Variants in C2orf49 observed in about 807,000 individuals in gnomAD.
The protein encoded by C2orf49 is tRNA-splicing ligase complex subunit ASW.
A neutral mutation model predicts 20.6 loss-of-function variants in C2orf49; 11 were observed. The ratio of observed to expected loss-of-function variants is 0.53; its 90% CI spans 0.34 to 0.88. The LOEUF (loss-of-function observed/expected upper bound fraction) is 0.88, where lower values mean the gene tolerates loss of function less well. C2orf49 is among the 40% of genes least tolerant of loss of function. The pLI is 0.02. For missense variants in C2orf49, 289 were observed against 274.2 expected, an observed-to-expected ratio of 1.05 and a Z score of -0.38; for synonymous variants, 134 against 108.5, an observed-to-expected ratio of 1.24 and a Z score of -1.46.
chr2:105,338,289 G>GC (rs752873739), intron 1 of C2orf49, among the ~76,000 whole-genome samples: 1 of 152,182 alleles, frequency 6.6e-6, no homozygotes, highest in African/African-American at 2.4e-5. Flanking sequence ...AGAATTACTG[G>GC]AAGTTTCCTT....
chr2:105,339,494 G>A, intron 1 of C2orf49, 89 bp from the exon 2 acceptor site: 2 of 1,223,164 alleles, frequency 1.6e-6, no homozygotes, highest in Non-Finnish European at 1.2e-6. Context: ...TGTTATTTAA[G>A]CAGTAATGTT....
downstream of C2orf49, among the ~76,000 whole-genome samples, chr2:105,350,257 G>A (rs1006072463): frequency 6.6e-6 from 1 of 152,176 alleles, no homozygotes; most frequent in African/African-American, 2.4e-5. Context: ...ACAGGTCCCA[G>A]ACAAGGACAA....
chr2:105,352,905 C>T (rs62155873), downstream of C2orf49, among the ~76,000 whole-genome samples: 13,491 of 152,150 alleles, frequency 0.089, 754 homozygotes, highest in Non-Finnish European at 0.13. Context: ...CCATCAAAAA[C>T]AAACAACTGG....
chr2:105,374,915 T>C, the C2orf49 span, among the ~76,000 whole-genome samples: 1 of 152,100 alleles, frequency 6.6e-6, no homozygotes, highest in Non-Finnish European at 1.5e-5. Flanking sequence ...AGGCTTCCAG[T>C]TGGTAGGTAT....
intron 1 of C2orf49, 22 bp downstream of exon 1, chr2:105,337,708 G>T: frequency 5.3e-6 from 2 of 374,660 alleles, no homozygotes; most frequent in South Asian, 4.0e-5. Flanking sequence ...CGGATCGGAG[G>T]GTGGGCGGGT....
chr2:105,361,114 A>G, the C2orf49 span: 1 of 609,252 alleles, frequency 1.6e-6, no homozygotes, highest in South Asian at 2.7e-5. Flanking sequence ...CTGGGACTGA[A>G]CTATCACAAA....
At chr2:105,353,390 A>G (rs865778265), downstream of C2orf49, among the ~76,000 whole-genome samples, 31 of 152,176 alleles carry the variant, frequency 2.0e-4, no homozygotes, top group Admixed American at 6.5e-5. Flanking sequence ...TCTTATTTTT[A>G]TAATGGAGTT....
chr2:105,342,364 G>A (rs762667958), intron 2 of C2orf49, among the ~76,000 whole-genome samples: 14 of 152,182 alleles, frequency 9.2e-5, no homozygotes, highest in African/African-American at 3.4e-4. Context: ...GTCCAGTTAC[G>A]ATTAGTTTAG....
chr2:105,363,233 C>T, the C2orf49 span: 2 of 1,579,866 alleles, frequency 1.3e-6, no homozygotes, highest in Admixed American at 3.4e-5. Flanking sequence ...AAATGCTAGG[C>T]CTTGTTCAAG....
the C2orf49 span, among the ~76,000 whole-genome samples, chr2:105,368,751 G>A: frequency 3.3e-5 from 5 of 152,122 alleles, no homozygotes; most frequent in Admixed American, 6.5e-5. Context: ...TTATAGTAAC[G>A]GATGATTCCA....
rs1679836164 is a variant in C2orf49 at position 105,347,186 on chromosome 2, ATAAATTGTTAACGTTACAG to A, written c.*1826_*1844del. On this transcript the variant is annotated 3_prime_UTR_variant, in exon 4 of 4. Coordinates refer to ENST00000258457, the MANE Select transcript of C2orf49 (RefSeq NM_024093.3). ...TAAGATAAAACATACTAAGTATTGC[ATAAATTGTTAACGTTACAG>A]TAAATTGTTATCTGCAGGGCTGACA... 2.0e-4 allele frequency: 31 copies of A among 152,368 alleles called. No homozygotes were observed. In the South Asian group the frequency reaches 6.4e-3, roughly 32 times the overall value. The allele number at this position is 152,368 out of a possible 1,614,324, so 9.4% of individuals were successfully genotyped here.
At chr2:105,363,944 CA>C in the C2orf49 span, among the ~76,000 whole-genome samples, 3 of 152,122 alleles carry the variant, frequency 2.0e-5, no homozygotes, top group Non-Finnish European at 2.9e-5. Context: ...GTTAATTGGG[CA>C]AGTTGATGAG....
At chr2:105,365,775 G>A in the C2orf49 span, among the ~76,000 whole-genome samples, 1 of 151,906 alleles carries the variant, frequency 6.6e-6, no homozygotes, top group Non-Finnish European at 1.5e-5. Context: ...AACCCAGAAA[G>A]CAGAGGTTGC....
In C2orf49 at chr2:105,346,399, G is replaced by C. The variant is rs1164777220; in HGVS notation, c.*1028G>C. ...TCCTTTAGAATGTTCTTGTCATGTA[G>C]CAGTCCTACGTACTCTTTTCATGAG... On this transcript the variant is annotated 3_prime_UTR_variant, in exon 4 of 4. Coordinates refer to ENST00000258457, the MANE Select transcript of C2orf49 (RefSeq NM_024093.3). 9.2e-5 allele frequency: 14 copies of C among 152,190 alleles called. No homozygotes were observed. Among genetic ancestry groups the C allele is most frequent in the African/African-American group, 3.4e-4 (14 of 41,430 alleles). The allele number at this position is 152,190 out of a possible 1,614,324, so 9.4% of individuals were successfully genotyped here.
chr2:105,373,832 AG>A, the C2orf49 span: 2 of 1,284,470 alleles, frequency 1.6e-6, no homozygotes, highest in African/African-American at 2.9e-5. Context: ...AAACAAGGAA[AG>A]AAGTTGGGCC....
At chr2:105,378,680 T>C in the C2orf49 span, 1 of 155,164 alleles carries the variant, frequency 6.4e-6, no homozygotes, top group African/African-American at 2.4e-5. Context: ...TCAGCCTACC[T>C]TTATGACTGC....
rs759880474 is a variant in C2orf49 at position 105,339,702 on chromosome 2, G to T, written c.219G>T (p.Met73Ile). ...RDLPKNRWGKMMEKKREQHEI... is the reference protein window; with the variant it reads ...RDLPKNRWGKIMEKKREQHEI... ...TGCCGAAGAATAGATGGGGGAAAATGATGGAAAAGAAAAGAGAACAACATG... is the reference window on the plus strand; with the variant it reads ...TGCCGAAGAATAGATGGGGGAAAATTATGGAAAAGAAAAGAGAACAACATG... Residue 73 changes from methionine (M) to isoleucine (I), a missense_variant, in exon 2 of 4, where the codon ATG becomes ATT. Met to Ile is a conservative substitution (Grantham distance 10). Transcript: ENST00000258457. 19 of 1,605,954 alleles carry T rather than the reference G, an allele frequency of 1.2e-5. No homozygotes were observed. Among genetic ancestry groups the T allele is most frequent in the Non-Finnish European group, 1.5e-5 (18 of 1,178,326 alleles).
the C2orf49 span, chr2:105,360,125 AC>A: frequency 6.6e-6 from 1 of 151,760 alleles, no homozygotes; most frequent in African/African-American, 2.4e-5. Context: ...ACATGGTGAA[AC>A]CCCATCTCTA....
At chr2:105,345,222 AT>A in intron 3 of C2orf49, 92 bp from the exon 4 acceptor site, 1 of 1,124,842 alleles carries the variant, frequency 8.9e-7, no homozygotes, top group South Asian at 1.4e-5. Flanking sequence ...CCATTAATAC[AT>A]TAATAGTAAA....
Sources: allele counts gnomAD v4.1 joint callset (sites outside exome capture counted in the v4.1 genomes callset), GRCh38; gene constraint gnomAD v4.1.1; transcripts MANE v1.5; gene names NCBI Gene and HGNC (gene_info 2026-07-23, HGNC 2026-07-21).